FBXW7: variants seen among roughly 807,000 people sequenced by gnomAD.
FBXW7 encodes F-box/WD repeat-containing protein 7.
A neutral mutation model predicts 86.3 loss-of-function variants in FBXW7; 11 were observed. The observed-to-expected ratio is 0.13, with a 90% CI of 0.08 to 0.21. The LOEUF (loss-of-function observed/expected upper bound fraction) is 0.21. Among genes scored for constraint, FBXW7 ranks in the 10% least tolerant of loss-of-function variants. The pLI, the probability that FBXW7 is intolerant of heterozygous loss-of-function variation, is 1.00. For synonymous variants in FBXW7, 313 were observed against 297.9 expected, an observed-to-expected ratio of 1.05 and a Z score of -0.52; for missense variants, 488 against 847.4, an observed-to-expected ratio of 0.58 and a Z score of 5.27.
intron 6 of FBXW7, 144 bp downstream of exon 6, chr4:152,346,786 G>T: frequency 1.8e-6 from 2 of 1,117,534 alleles, no homozygotes; most frequent in Non-Finnish European, 2.5e-6. Context: ...TTTGTGTCTG[G>T]CTTCTTTCAC....
At chr4:152,410,636 C>T (rs1737859616) in intron 4 of FBXW7, among the ~76,000 whole-genome samples, 1 of 152,064 alleles carries the variant, frequency 6.6e-6, no homozygotes, top group Admixed American at 6.6e-5. Context: ...TTAAACGATA[C>T]GATGTTAAAT....
intron 4 of FBXW7, among the ~76,000 whole-genome samples, chr4:152,365,733 A>G (rs1733419207): frequency 2.0e-5 from 3 of 152,156 alleles, no homozygotes; most frequent in Admixed American, 2.0e-4. Flanking sequence ...TCATGCTCCA[A>G]CTGGTTCTGG....
intron 2 of FBXW7, among the ~76,000 whole-genome samples, chr4:152,415,023 T>G (rs1579136410): frequency 6.6e-6 from 1 of 152,244 alleles, no homozygotes; most frequent in East Asian, 1.9e-4. Context: ...TTTTAAACAT[T>G]TTCTCAATAA....
At chr4:152,430,825 CT>C (rs1739827807) in intron 2 of FBXW7, among the ~76,000 whole-genome samples, 1 of 152,168 alleles carries the variant, frequency 6.6e-6, no homozygotes, top group South Asian at 2.1e-4. Context: ...GGATATTCTT[CT>C]GACAATCTTT....
At chr4:152,460,998 T>G (rs1303540425) in intron 2 of FBXW7, among the ~76,000 whole-genome samples, 1 of 152,198 alleles carries the variant, frequency 6.6e-6, no homozygotes, top group Non-Finnish European at 1.5e-5. Flanking sequence ...CTGTTTTGCT[T>G]GGCCGAGCAC....
chr4:152,338,090 T>C (rs1031911416), intron 6 of FBXW7, 154 bp from the exon 7 acceptor site: 8 of 470,598 alleles, frequency 1.7e-5, no homozygotes, highest in African/African-American at 8.0e-5. Flanking sequence ...CCACAAGGCA[T>C]TGAAGAAGGC....
intron 4 of FBXW7, among the ~76,000 whole-genome samples, chr4:152,383,318 T>C (rs760056174): frequency 6.6e-6 from 1 of 152,098 alleles, no homozygotes; most frequent in Non-Finnish European, 1.5e-5. Flanking sequence ...GGGAATGCAG[T>C]GTGCCGTTTA....
chr4:152,349,703 C>G (rs1731617540), intron 5 of FBXW7, among the ~76,000 whole-genome samples: 2 of 151,798 alleles, frequency 1.3e-5, no homozygotes, highest in African/African-American at 4.8e-5. Context: ...AATGTCTACC[C>G]TAGAACAGCT....
At chr4:152,324,468 G>T in intron 12 of FBXW7, 74 bp from the exon 13 acceptor site, 1 of 1,208,560 alleles carries the variant, frequency 8.3e-7, no homozygotes. Flanking sequence ...AATCCTAGTA[G>T]GAAAGGGGGA....
intron 2 of FBXW7, among the ~76,000 whole-genome samples, chr4:152,429,313 G>A (rs752413937): frequency 3.1e-5 from 4 of 130,532 alleles, no homozygotes; most frequent in Non-Finnish European, 6.3e-5. Context: ...AAGCAGTCTA[G>A]ACAAAACACT....
In FBXW7 at chr4:152,395,019, G is replaced by C. The variant is rs1336865106; in HGVS notation, c.501+16284C>G. Among the ~76,000 whole-genome samples the C allele has an allele frequency of 1.6e-4, 24 of 151,990 alleles. 1 individual carries two copies. The highest frequency in any genetic ancestry group is 1.6e-3 in the Admixed American group (24 of 15,224). On this transcript the variant is annotated intron_variant, in intron 4 of 13. Coordinates refer to ENST00000281708, the MANE Select transcript of FBXW7 (RefSeq NM_001349798.2). ...GTCCTATGTGGGAAATTCCTTTTAT[G>C]TAATATTAGGAAAGATGCATGGGTG...
At chr4:152,533,871 G>A (rs1354776659) in intron 2 of FBXW7, among the ~76,000 whole-genome samples, 1 of 152,210 alleles carries the variant, frequency 6.6e-6, no homozygotes, top group African/African-American at 2.4e-5. Context: ...TTCGAAAAGA[G>A]AGATAACCCC....
chr4:152,511,594 T>G (rs1244527646), intron 2 of FBXW7, among the ~76,000 whole-genome samples: 3 of 152,164 alleles, frequency 2.0e-5, no homozygotes, highest in Non-Finnish European at 4.4e-5. Flanking sequence ...TAGTATTATC[T>G]GTAATAGTGG....
chr4:152,496,439 C>T (rs1746346978), intron 2 of FBXW7, among the ~76,000 whole-genome samples: 1 of 151,946 alleles, frequency 6.6e-6, no homozygotes, highest in Non-Finnish European at 1.5e-5. Context: ...CGCCTATAAT[C>T]CCAGCACTTC....
intron 4 of FBXW7, 27 bp from the exon 5 acceptor site, chr4:152,350,151 T>C: frequency 7.0e-7 from 1 of 1,421,208 alleles, no homozygotes; most frequent in Non-Finnish European, 9.5e-7. Flanking sequence ...ACAAGATATG[T>C]TTTTTAAAAA....
intron 2 of FBXW7, among the ~76,000 whole-genome samples, chr4:152,432,891 T>G (rs1222159392): frequency 6.6e-6 from 1 of 152,194 alleles, no homozygotes; most frequent in East Asian, 1.9e-4. Flanking sequence ...TTCTAATCAC[T>G]CCTTAGCACA....
chr4:152,458,040 C>A (rs1233150339), intron 2 of FBXW7, among the ~76,000 whole-genome samples: 7 of 151,962 alleles, frequency 4.6e-5, no homozygotes, highest in Non-Finnish European at 7.4e-5. Flanking sequence ...GATGGAGTCT[C>A]GCTCTGTTGG....
chr4:152,458,885 G>A (rs1394124370), intron 2 of FBXW7, among the ~76,000 whole-genome samples: 2 of 152,222 alleles, frequency 1.3e-5, no homozygotes, highest in South Asian at 2.1e-4. Context: ...ATGGGCCACA[G>A]GAAAGTTTCA....
chr4:152,521,692 A>C (rs1749026986), intron 2 of FBXW7, among the ~76,000 whole-genome samples: 2 of 152,138 alleles, frequency 1.3e-5, no homozygotes, highest in Non-Finnish European at 2.9e-5. Context: ...TCTGGACTAG[A>C]AGGGATCCCA....
Sources: allele counts gnomAD v4.1 joint callset (sites outside exome capture counted in the v4.1 genomes callset), GRCh38; gene constraint gnomAD v4.1.1; transcripts MANE v1.5; gene names NCBI Gene and HGNC (gene_info 2026-07-23, HGNC 2026-07-21).